ATP6V0D2: variants seen among roughly 807,000 people sequenced by gnomAD.
ATP6V0D2 encodes V-type proton ATPase subunit d 2.
Under a neutral mutation model 40.0 loss-of-function variants are expected in ATP6V0D2, and 40 were observed. That is an observed-to-expected ratio of 1.00 (90% CI 0.78 to 1.30). ATP6V0D2 has a LOEUF of 1.30. Among genes scored for constraint, ATP6V0D2 ranks in the 50% most tolerant of loss-of-function variants. The probability of loss-of-function intolerance (pLI) is 0.00; values close to 1 mark genes in which losing one functional copy is unlikely to be tolerated. For missense variants in ATP6V0D2, 470 were observed against 423.1 expected, an observed-to-expected ratio of 1.11 and a Z score of -0.97; for synonymous variants, 179 against 156.3, an observed-to-expected ratio of 1.15 and a Z score of -1.08.
At chr8:86,101,272 A>G (rs563376061) in intron 1 of ATP6V0D2, among the ~76,000 whole-genome samples, 5 of 152,034 alleles carry the variant, frequency 3.3e-5, no homozygotes, top group African/African-American at 4.8e-5. Flanking sequence ...CAGCCTGAGC[A>G]ACACAGCAAG....
chr8:86,131,859 CCTAT>C lies in ATP6V0D2; in HGVS notation c.303-7595_303-7592del, dbSNP rs10605296. Among the ~76,000 whole-genome samples the C allele has an allele frequency of 4.3e-3, 658 of 152,190 alleles. 3 individuals carry two copies. The highest frequency in any genetic ancestry group is 0.015 in the African/African-American group (620 of 41,526). The stretch of plus-strand genomic sequence containing the variant: ...AATTTAAAAAAGAAAGAAATTAAAA[CCTAT>C]CTTAGTGAATAATTTTGAACATTCT... On this transcript the variant is annotated intron_variant, in intron 2 of 7. Transcript: ENST00000285393.
chr8:86,124,110 T>A (rs1818709501), intron 2 of ATP6V0D2, among the ~76,000 whole-genome samples: 2 of 152,140 alleles, frequency 1.3e-5, no homozygotes, highest in African/African-American at 4.8e-5. Context: ...TCTTCTGTGG[T>A]CTTATAGATT....
intron 2 of ATP6V0D2, 67 bp downstream of exon 2, chr8:86,113,947 G>T: frequency 7.0e-7 from 1 of 1,435,556 alleles, no homozygotes; most frequent in South Asian, 1.5e-5. Context: ...AACAATTACA[G>T]GGTGGGTATC....
rs557488637 is a variant in ATP6V0D2 at position 86,098,927 on chromosome 8, G to A, written c.-52G>A. 46 of 1,587,084 alleles carry A rather than the reference G, an allele frequency of 2.9e-5. No individual in the cohort carries two copies. The highest frequency in any genetic ancestry group is 1.1e-4 in the African/African-American group (8 of 73,942). ...AGGCTAGTGCAAATCTTCAGGGGCC[G>A]TCCAGGACTACAGAGCTGTTTCACC... On this transcript the variant is annotated 5_prime_UTR_variant, in exon 1 of 8. Transcript: ENST00000285393.
chr8:86,139,757 C>CTG, intron 3 of ATP6V0D2, 122 bp downstream of exon 3: 1 of 1,068,820 alleles, frequency 9.4e-7, no homozygotes, highest in South Asian at 1.7e-5. Flanking sequence ...CAATTTTTTT[C>CTG]CATGAATACA....
At chr8:86,114,926 G>A (rs914609343) in intron 2 of ATP6V0D2, among the ~76,000 whole-genome samples, 1 of 152,138 alleles carries the variant, frequency 6.6e-6, no homozygotes, top group African/African-American at 2.4e-5. Flanking sequence ...CTGGCACTCA[G>A]GCGTCAATAT....
chr8:86,120,183 A>C (rs1271631479), intron 2 of ATP6V0D2, among the ~76,000 whole-genome samples: 2 of 152,198 alleles, frequency 1.3e-5, no homozygotes, highest in Non-Finnish European at 2.9e-5. Context: ...GGATCACTTG[A>C]GGCCAGGAGT....
chr8:86,113,805 A>C lies in ATP6V0D2; in HGVS notation c.227A>C (p.Lys76Thr). ...TCCAAAATTGACACTGAGATGAGGAAAAGACTATGTGGAGAATTTGAGTAT... is the reference window on the plus strand; with the variant it reads ...TCCAAAATTGACACTGAGATGAGGACAAGACTATGTGGAGAATTTGAGTAT... ...TVSKIDTEMR[K>T]RLCGEFEYFR... The change falls in exon 2 of 8, where the codon AAA (lysine) becomes ACA (threonine). Residue 76 changes from lysine to threonine, a missense_variant. By Grantham distance (78) the Lys-to-Thr change is moderately conservative. Coordinates refer to ENST00000285393, the MANE Select transcript of ATP6V0D2 (RefSeq NM_152565.1). 3 of 1,613,984 alleles carry C rather than the reference A, an allele frequency of 1.9e-6. No homozygotes were observed. The highest frequency in any genetic ancestry group is 1.7e-5 in the Admixed American group (1 of 59,990).
chr8:86,115,700 A>G (rs1055168716), intron 2 of ATP6V0D2, among the ~76,000 whole-genome samples: 2 of 152,080 alleles, frequency 1.3e-5, no homozygotes, highest in African/African-American at 4.8e-5. Context: ...TTTACAAATG[A>G]CAGTATCTCT....
chr8:86,145,000 C>CAAA lies in ATP6V0D2; in HGVS notation c.639+2057_639+2059dup, dbSNP rs777644427. ...TGAAACCCTGTCTCTACTAACAATA[C>CAAA]AAAAAAAAAAAAATTAGCTGAATGT... On this transcript the variant is annotated intron_variant, in intron 5 of 7. Coordinates refer to ENST00000285393, the MANE Select transcript of ATP6V0D2 (RefSeq NM_152565.1). Among the ~76,000 whole-genome samples, 308 of 137,606 alleles carry CAAA rather than the reference C, an allele frequency of 2.2e-3. 2 individuals carry two copies. The highest frequency in any genetic ancestry group is 0.011 in the East Asian group (50 of 4,754). 90.3% of individuals were successfully genotyped at this position (137,606 alleles called of 152,430 possible).
intron 2 of ATP6V0D2, among the ~76,000 whole-genome samples, chr8:86,117,947 G>C (rs561339435): frequency 7.9e-5 from 12 of 151,930 alleles, no homozygotes; most frequent in Non-Finnish European, 1.5e-4. Flanking sequence ...TTTGATGCCA[G>C]GCTAAGGAAG....
chr8:86,110,627 G>T (rs1478725391), intron 1 of ATP6V0D2, among the ~76,000 whole-genome samples: 1 of 152,080 alleles, frequency 6.6e-6, no homozygotes, highest in East Asian at 1.9e-4. Context: ...TTCATTGCAG[G>T]TCACAATACA....
intron 7 of ATP6V0D2, 89 bp downstream of exon 7, chr8:86,151,629 T>TTCAAATAAAG: frequency 1.0e-6 from 1 of 998,682 alleles, no homozygotes. Flanking sequence ...TTTTTACAGC[T>TTCAAATAAAG]GATCATGCCA....
intron 4 of ATP6V0D2, among the ~76,000 whole-genome samples, 182 bp from the exon 5 acceptor site, chr8:86,142,695 T>C (rs1186845046): frequency 6.6e-6 from 1 of 152,248 alleles, no homozygotes; most frequent in East Asian, 1.9e-4. Context: ...GAATTCTTTT[T>C]TAGACTGTGC....
chr8:86,101,886 T>A (rs1818403898), intron 1 of ATP6V0D2, among the ~76,000 whole-genome samples: 1 of 152,170 alleles, frequency 6.6e-6, no homozygotes, highest in African/African-American at 2.4e-5. Context: ...CAACTACATT[T>A]GAATCTGTGT....
At chr8:86,134,128 A>C (rs1380963580) in intron 2 of ATP6V0D2, among the ~76,000 whole-genome samples, 1 of 152,170 alleles carries the variant, frequency 6.6e-6, no homozygotes, top group Non-Finnish European at 1.5e-5. Flanking sequence ...CAGATTTCTC[A>C]TTAGGCACCT....
Position 86,150,181 on chromosome 8 carries a change from C to G in ATP6V0D2, c.709C>G (p.Arg237Gly). 5 of 1,613,298 alleles carry G rather than the reference C, an allele frequency of 3.1e-6. No individual in the cohort carries two copies. The highest frequency in any genetic ancestry group is 4.2e-6 in the Non-Finnish European group (5 of 1,179,830). Residue 237 changes from arginine (R) to glycine (G), a missense_variant, in exon 6 of 8, where the codon CGA becomes GGA. Physicochemically the swap from Arg to Gly is moderately radical, Grantham distance 125. Transcript: ENST00000285393. ...SFGTELSKED[R>G]ETLYPTFGKL... ...TGGCACTGAATTGAGCAAAGAAGAC[C>G]GAGAGACCCTCTATCCAACCTTCGG...
At chr8:86,142,824 T>A in intron 4 of ATP6V0D2, 53 bp from the exon 5 acceptor site, 1 of 1,189,346 alleles carries the variant, frequency 8.4e-7, no homozygotes, top group Non-Finnish European at 1.2e-6. Context: ...CTAGACATTT[T>A]CAAAAGGAAT....
At chr8:86,107,133 T>C (rs2130230734) in intron 1 of ATP6V0D2, among the ~76,000 whole-genome samples, 1 of 152,294 alleles carries the variant, frequency 6.6e-6, no homozygotes, top group Middle Eastern at 3.4e-3. Context: ...CCAAAAATGG[T>C]TCAAACCTAT....
Sources: allele counts gnomAD v4.1 joint callset (sites outside exome capture counted in the v4.1 genomes callset), GRCh38; gene constraint gnomAD v4.1.1; transcripts MANE v1.5; gene names NCBI Gene and HGNC (gene_info 2026-07-23, HGNC 2026-07-21).